PPP2R2A: variants seen among roughly 807,000 people sequenced by gnomAD.
PPP2R2A encodes protein phosphatase 2 regulatory subunit Balpha.
Under a neutral mutation model 53.2 loss-of-function variants are expected in PPP2R2A, and 9 were observed. That is an observed-to-expected ratio of 0.17 (90% CI 0.10 to 0.30). The LOEUF (loss-of-function observed/expected upper bound fraction) is 0.30. Among genes scored for constraint, PPP2R2A ranks in the 10% least tolerant of loss-of-function variants. The pLI is 1.00. For missense variants in PPP2R2A, 235 were observed against 534.6 expected, an observed-to-expected ratio of 0.44 and a Z score of 5.53; for synonymous variants, 169 against 174.2, an observed-to-expected ratio of 0.97 and a Z score of 0.23.
In PPP2R2A at chr8:26,354,651, C is replaced by G; in HGVS notation, c.346+18C>G. The G allele has an allele frequency of 6.4e-7, 1 of 1,563,606 alleles. No homozygotes were observed. On this transcript the variant is annotated intron_variant, in intron 4 of 9. Coordinates refer to ENST00000380737, the MANE Select transcript of PPP2R2A (RefSeq NM_002717.4). This position sits in a 1 kb window ranked among gnomAD's most constrained non-coding sequence, Gnocchi z 4.6. ...TACCAATGGTAAGTATACATATTTT[C>G]TTTCCATGTGCCCACTGTGTGTACC...
At chr8:26,343,862 T>C (rs1804074801) in intron 3 of PPP2R2A, among the ~76,000 whole-genome samples, 2 of 152,204 alleles carry the variant, frequency 1.3e-5, no homozygotes, top group African/African-American at 4.8e-5. Context: ...CCTATGCCCA[T>C]AATCAAAAGA....
intron 9 of PPP2R2A, among the ~76,000 whole-genome samples, chr8:26,369,746 A>G (rs1805574573): frequency 6.6e-6 from 1 of 152,238 alleles, no homozygotes. Flanking sequence ...AGCTACAGCT[A>G]CTTCATGCGG....
rs113859841 is a variant in PPP2R2A at position 26,348,810 on chromosome 8, A to G, written c.181-5658A>G. Among the ~76,000 whole-genome samples the G allele has an allele frequency of 1.9e-3, 283 of 152,330 alleles. 2 individuals are homozygous for G. The highest frequency in any genetic ancestry group is 6.7e-3 in the African/African-American group (279 of 41,578). On this transcript the variant is annotated intron_variant, in intron 3 of 9. Transcript: ENST00000380737. Reference sequence around the variant, plus strand: ...ATCATTTCCACAAAGAATAAAATCAAAACCATCCCATAACAGGAATGAAAA... The same window carrying G: ...ATCATTTCCACAAAGAATAAAATCAGAACCATCCCATAACAGGAATGAAAA...
chr8:26,344,013 C>G (rs1804085254), intron 3 of PPP2R2A, among the ~76,000 whole-genome samples: 1 of 152,098 alleles, frequency 6.6e-6, no homozygotes, highest in South Asian at 2.1e-4. Flanking sequence ...GTGCAGTCTC[C>G]TTTTGCCAGC....
chr8:26,312,527 G>C lies in PPP2R2A; in HGVS notation c.82+18787G>C, dbSNP rs140943452. The stretch of plus-strand genomic sequence containing the variant: ...CTCAGCATTTTTGACAGAATAAATA[G>C]ATCTATTGTGCTGTTCTCACATCAG... On this transcript the variant is annotated intron_variant, in intron 2 of 9. Transcript: ENST00000380737. 3.8e-3 allele frequency among the ~76,000 whole-genome samples: 585 copies of C among 152,292 alleles called. 1 individual carries two copies. The highest frequency in any genetic ancestry group is 6.8e-3 in the Middle Eastern group (2 of 294).
At chr8:26,359,755 A>G (rs572669451) in intron 4 of PPP2R2A, among the ~76,000 whole-genome samples, 1 of 152,342 alleles carries the variant, frequency 6.6e-6, no homozygotes, top group Non-Finnish European at 1.5e-5. Context: ...TTGATTCTAC[A>G]TAATAGGCAG....
chr8:26,346,289 C>T (rs1295692562), intron 3 of PPP2R2A, among the ~76,000 whole-genome samples: 2 of 151,986 alleles, frequency 1.3e-5, no homozygotes, highest in Non-Finnish European at 2.9e-5. Flanking sequence ...TACAGACGTG[C>T]ACCACCATGC....
rs1804669316 is a variant in PPP2R2A, at chr8:26,354,366, T to C, written c.181-102T>C. 1.2e-6 allele frequency: 1 copy of C among 860,842 alleles called. No homozygotes were observed. Among genetic ancestry groups the C allele is most frequent in the Admixed American group, 3.2e-5 (1 of 31,460 alleles). 53.3% of individuals were successfully genotyped at this position (860,842 alleles called of 1,614,324 possible). On this transcript the variant is annotated intron_variant, in intron 3 of 9. Transcript: ENST00000380737. This position sits in a 1 kb window ranked among gnomAD's most constrained non-coding sequence, Gnocchi z 4.6. ...TGTAATTGTATAAAGACACAACTAA[T>C]GGGGTATTGAGAATGTGCAGGGTCC... is the stretch of plus-strand genomic sequence containing the variant.
chr8:26,317,209 C>T (rs1002429375), intron 2 of PPP2R2A, among the ~76,000 whole-genome samples: 1 of 152,176 alleles, frequency 6.6e-6, no homozygotes, highest in African/African-American at 2.4e-5. Flanking sequence ...GAACTTGCCC[C>T]TTTTATTCTG....
In PPP2R2A at chr8:26,362,210, G is replaced by A. The variant is rs1805141790; in HGVS notation, c.638-474G>A. Among the ~76,000 whole-genome samples the A allele has an allele frequency of 6.6e-6, 1 of 151,506 alleles. No individual in the cohort carries two copies. Among genetic ancestry groups the A allele is most frequent in the African/African-American group, 2.4e-5 (1 of 41,238 alleles). On this transcript the variant is annotated intron_variant, in intron 6 of 9. Coordinates refer to ENST00000380737, the MANE Select transcript of PPP2R2A (RefSeq NM_002717.4). The surrounding 1 kb of genome is among the most constrained non-coding windows in gnomAD (Gnocchi z 4.4). ...TGGGTAAATAAAAATATTCTATTGA[G>A]GCCGGGCACAGTGACTCATGCCTGT...
chr8:26,312,800 C>CACCT (rs1393317189), intron 2 of PPP2R2A, among the ~76,000 whole-genome samples: 3 of 152,164 alleles, frequency 2.0e-5, no homozygotes, highest in African/African-American at 7.2e-5. Flanking sequence ...ACCCTTGAGG[C>CACCT]ACCTGTTCAT....
In PPP2R2A at chr8:26,296,025, C is replaced by T. The variant is rs535843550; in HGVS notation, c.82+2285C>T. 9.2e-5 allele frequency among the ~76,000 whole-genome samples: 14 copies of T among 152,202 alleles called. 1 individual carries two copies. The highest frequency in any genetic ancestry group is 2.9e-4 in the African/African-American group (12 of 41,544). On this transcript the variant is annotated intron_variant, in intron 2 of 9. Transcript: ENST00000380737. ...TGTCTCCATATTGCCTGCCTTTCTCCCGTCTACATGCAGTCAGCTGCCAGG... is the reference window on the plus strand; with the variant it reads ...TGTCTCCATATTGCCTGCCTTTCTCTCGTCTACATGCAGTCAGCTGCCAGG...
intron 2 of PPP2R2A, among the ~76,000 whole-genome samples, chr8:26,330,953 T>C (rs552060192): frequency 6.6e-6 from 1 of 152,320 alleles, no homozygotes; most frequent in Non-Finnish European, 1.5e-5. Context: ...GCCTGATTAC[T>C]AAGGTGTGAC....
At chr8:26,303,595 A>G (rs1433719840) in intron 2 of PPP2R2A, among the ~76,000 whole-genome samples, 3 of 152,212 alleles carry the variant, frequency 2.0e-5, no homozygotes, top group African/African-American at 7.2e-5. Flanking sequence ...TGAACAACAT[A>G]ATTATATTTT....
In PPP2R2A at chr8:26,360,759, A is replaced by T. The variant is rs17309529; in HGVS notation, c.460-215A>T. 24,120 of 488,364 alleles carry T rather than the reference A, an allele frequency of 0.049. 822 individuals carry two copies. The highest frequency in any genetic ancestry group is 0.12 in the South Asian group (3,042 of 26,368). 30.3% of individuals were successfully genotyped at this position (488,364 alleles called of 1,614,324 possible). ...ACTAAGAACTGCAAATTCTAATAGT[A>T]TTGCAACCAGTAAAAGAAGATATAT... is the stretch of plus-strand genomic sequence containing the variant. On this transcript the variant is annotated intron_variant, in intron 5 of 9. Coordinates refer to ENST00000380737, the MANE Select transcript of PPP2R2A (RefSeq NM_002717.4). The surrounding 1 kb of genome is among the most constrained non-coding windows in gnomAD (Gnocchi z 4.5).
chr8:26,331,247 A>G (rs1394363449), intron 2 of PPP2R2A, among the ~76,000 whole-genome samples: 4 of 152,120 alleles, frequency 2.6e-5, no homozygotes, highest in Non-Finnish European at 5.9e-5. Flanking sequence ...TTCCTTTCTA[A>G]GAGTATCCAA....
chr8:26,305,129 A>G (rs1801958278), intron 2 of PPP2R2A, among the ~76,000 whole-genome samples: 1 of 152,102 alleles, frequency 6.6e-6, no homozygotes, highest in South Asian at 2.1e-4. Flanking sequence ...GTTTCTGTAA[A>G]TTTGACTGCT....
chr8:26,366,469 C>T, intron 9 of PPP2R2A, 63 bp downstream of exon 9: 1 of 1,271,762 alleles, frequency 7.9e-7, no homozygotes, highest in Non-Finnish European at 1.1e-6. Flanking sequence ...TATTTCATTC[C>T]AGGTCCTAAC....
chr8:26,327,119 T>A (rs1159900136), intron 2 of PPP2R2A, among the ~76,000 whole-genome samples: 4 of 152,082 alleles, frequency 2.6e-5, no homozygotes, highest in Non-Finnish European at 4.4e-5. Flanking sequence ...TGGAAGCGGG[T>A]GCCTGAGTGG....
Sources: allele counts gnomAD v4.1 joint callset (sites outside exome capture counted in the v4.1 genomes callset), GRCh38; gene constraint gnomAD v4.1.1; non-coding constraint Gnocchi (gnomAD v3.1); transcripts MANE v1.5; gene names NCBI Gene and HGNC (gene_info 2026-07-23, HGNC 2026-07-21).